H2BC5: variants seen among roughly 807,000 people sequenced by gnomAD.
H2BC5 encodes histone H2B type 1-D.
Under a neutral mutation model 5.7 loss-of-function variants are expected in H2BC5, and 9 were observed. That is an observed-to-expected ratio of 1.57 (90% CI 0.95 to 2.74). The LOEUF (loss-of-function observed/expected upper bound fraction) is 2.74. Ranked by LOEUF, H2BC5 falls within the 30% of genes most tolerant of loss-of-function variation. The pLI, the probability that H2BC5 is intolerant of heterozygous loss-of-function variation, is 0.00. For missense variants in H2BC5, 175 were observed against 168.8 expected (o/e 1.04, Z -0.20); for synonymous variants, 133 against 70.9 (o/e 1.88, Z -4.40).
chr6:26,165,907 C>G (rs931010799), intron 1 of H2BC5, among the ~76,000 whole-genome samples: 6 of 152,214 alleles, frequency 3.9e-5, no homozygotes, highest in African/African-American at 1.4e-4. Context: ...GTATACCTGA[C>G]TTCTCTTCTT....
downstream of H2BC5, chr6:26,160,848 C>CACAGAATGAG (rs1241147557): frequency 7.8e-5 from 11 of 141,642 alleles, no homozygotes; most frequent in Admixed American, 7.9e-4. Context: ...CACCCTGGGC[C>CACAGAATGAG]ACAGAATGAG....
intron 1 of H2BC5, chr6:26,170,916 A>T (rs1278963450): frequency 6.6e-6 from 1 of 152,242 alleles, no homozygotes; most frequent in Admixed American, 6.5e-5. Context: ...TATAGAAAAT[A>T]TTAATGGTGA....
At chr6:26,167,943 G>A (rs145196014) in intron 1 of H2BC5, among the ~76,000 whole-genome samples, 32 of 151,074 alleles carry the variant, frequency 2.1e-4, no homozygotes, top group African/African-American at 3.9e-4. Flanking sequence ...TGTGCACAAC[G>A]TGCAGGTTTG....
chr6:26,168,883 G>A (rs925064069), intron 1 of H2BC5, among the ~76,000 whole-genome samples: 1 of 152,176 alleles, frequency 6.6e-6, no homozygotes, highest in Non-Finnish European at 1.5e-5. Context: ...TTAAACTGCA[G>A]TCTGTAAAGC....
At chr6:26,161,561 A>T (rs1324210644), downstream of H2BC5, among the ~76,000 whole-genome samples, 1 of 152,170 alleles carries the variant, frequency 6.6e-6, no homozygotes, top group Non-Finnish European at 1.5e-5. Flanking sequence ...GCTTGAGCCC[A>T]GGAGTTGGAG....
downstream of H2BC5, chr6:26,158,633 A>G (rs1379143966): frequency 3.2e-6 from 5 of 1,559,672 alleles, no homozygotes; most frequent in African/African-American, 1.4e-5. Flanking sequence ...AGTTGTAATC[A>G]TTTCATTCAA....
intron 1 of H2BC5, among the ~76,000 whole-genome samples, chr6:26,167,028 T>C (rs1764442567): frequency 6.7e-6 from 1 of 149,112 alleles, no homozygotes; most frequent in Non-Finnish European, 1.5e-5. Context: ...CACATTCTTT[T>C]CTTTCTTTTT....
chr6:26,163,835 G>C (rs1352564538), intron 1 of H2BC5, among the ~76,000 whole-genome samples: 1 of 152,120 alleles, frequency 6.6e-6, no homozygotes, highest in East Asian at 1.9e-4. Context: ...CTGGAATGCA[G>C]GGACCTGATC....
rs1013901848 is a variant in H2BC5, at chr6:26,170,413, G to A, written c.*10-562G>A. On this transcript the variant is annotated intron_variant, in intron 1 of 1. Coordinates refer to the H2BC5 transcript ENST00000289316. ...ACATAATTTCTGACATAATTAAAGT[G>A]CACAAATATCTATAACTACAGGAAT... Among the ~76,000 whole-genome samples, 3 of 152,124 alleles carry A rather than the reference G, an allele frequency of 2.0e-5. No homozygotes were observed. In the South Asian group the frequency reaches 6.2e-4, roughly 32 times the overall value.
intron 1 of H2BC5, among the ~76,000 whole-genome samples, chr6:26,168,676 A>G (rs748667803): frequency 3.3e-5 from 5 of 152,196 alleles, no homozygotes; most frequent in Non-Finnish European, 7.3e-5. Context: ...AAGAATTTCA[A>G]CAATTCAGAC....
Position 26,158,216 on chromosome 6 carries a change from A to G in H2BC5, c.47A>G (p.Lys16Arg), listed in dbSNP as rs757420229. ...KSAPAPKKGS[K>R]KAVTKAQKKD... Reference sequence around the variant, plus strand: ...GCTCCTGCCCCAAAGAAGGGCTCCAAGAAGGCGGTGACTAAGGCTCAGAAG... The same window carrying G: ...GCTCCTGCCCCAAAGAAGGGCTCCAGGAAGGCGGTGACTAAGGCTCAGAAG... Residue 16 changes from lysine (K) to arginine (R), a missense_variant, in exon 1 of 1, where the codon AAG becomes AGG. Physicochemically the swap from Lys to Arg is conservative, Grantham distance 26. Coordinates refer to ENST00000377777, the MANE Select transcript of H2BC5 (RefSeq NM_021063.4). The G allele has an allele frequency of 6.2e-7, 1 of 1,614,244 alleles. No homozygotes were observed. Among genetic ancestry groups the G allele is most frequent in the Admixed American group, 1.7e-5 (1 of 60,026 alleles).
intron 1 of H2BC5, among the ~76,000 whole-genome samples, chr6:26,166,562 C>A (rs1289200438): frequency 2.0e-5 from 3 of 152,130 alleles, no homozygotes; most frequent in African/African-American, 7.2e-5. Context: ...GGGGTTTACT[C>A]CCAGGCCAGG....
chr6:26,159,198 T>A (rs1238721876), downstream of H2BC5, among the ~76,000 whole-genome samples: 4 of 150,516 alleles, frequency 2.7e-5, no homozygotes, highest in African/African-American at 9.7e-5. Flanking sequence ...CACCTTAAAA[T>A]TCTTTTGCTA....
chr6:26,159,603 A>G (rs543118909), downstream of H2BC5, among the ~76,000 whole-genome samples: 1 of 152,264 alleles, frequency 6.6e-6, no homozygotes, highest in South Asian at 2.1e-4. Context: ...AAGGAAAGGA[A>G]CAAATACTTG....
chr6:26,158,433 G>C lies in H2BC5; in HGVS notation c.264G>C (p.Ser88=), dbSNP rs143992438. The change falls in exon 1 of 1, where the codon TCG becomes TCC. Residue 88 remains serine, a synonymous_variant. Transcript: ENST00000377777. The part of the protein sequence containing the change: ...ASRLAHYNKR[S]TITSREIQTA... The stretch of plus-strand genomic sequence containing the variant: ...GCCTGGCGCATTACAACAAGCGCTC[G>C]ACCATCACCTCCAGGGAGATCCAGA... 28 of 1,614,146 alleles carry C rather than the reference G, an allele frequency of 1.7e-5. No individual in the cohort carries two copies. Among genetic ancestry groups the C allele is most frequent in the Non-Finnish European group, 2.3e-5 (27 of 1,180,048 alleles).
At chr6:26,165,188 C>G (rs1006516596) in intron 1 of H2BC5, among the ~76,000 whole-genome samples, 2 of 152,076 alleles carry the variant, frequency 1.3e-5, no homozygotes, top group African/African-American at 4.8e-5. Context: ...TTTTAAGTTG[C>G]CTTATTGTGG....
At chr6:26,169,945 G>C (rs892736270) in intron 1 of H2BC5, among the ~76,000 whole-genome samples, 1 of 151,922 alleles carries the variant, frequency 6.6e-6, no homozygotes, top group Non-Finnish European at 1.5e-5. Flanking sequence ...GTGAGGGAAA[G>C]AGCTTGGAGA....
chr6:26,166,102 C>T (rs943759801), intron 1 of H2BC5, among the ~76,000 whole-genome samples: 6 of 152,220 alleles, frequency 3.9e-5, no homozygotes, highest in Admixed American at 6.5e-5. Flanking sequence ...GGTCCTGTTG[C>T]TCACTTACTC....
chr6:26,167,521 C>T (rs1764449517), intron 1 of H2BC5, among the ~76,000 whole-genome samples: 1 of 152,118 alleles, frequency 6.6e-6, no homozygotes, highest in African/African-American at 2.4e-5. Flanking sequence ...TTCTATCAGT[C>T]CCTTTCCTGG....
Sources: allele counts gnomAD v4.1 joint callset (sites outside exome capture counted in the v4.1 genomes callset), GRCh38; gene constraint gnomAD v4.1.1; transcripts MANE v1.5; gene names NCBI Gene and HGNC (gene_info 2026-07-23, HGNC 2026-07-21).